Variants in FXR1 observed in about 807,000 individuals in gnomAD.
FXR1 encodes RNA-binding protein FXR1.
A neutral mutation model predicts 84.0 loss-of-function variants in FXR1; 15 were observed. The ratio of observed to expected loss-of-function variants is 0.18; its 90% confidence interval spans 0.12 to 0.27. The LOEUF is 0.27. FXR1 is among the 10% of genes least tolerant of loss of function. The pLI, the probability that FXR1 is intolerant of heterozygous loss-of-function variation, is 1.00. For missense variants in FXR1, 480 were observed against 774.4 expected (o/e 0.62, Z 4.51); for synonymous variants, 245 against 250.7 (o/e 0.98, Z 0.21).
At chr3:180,930,530 G>C (rs1199613039) in intron 1 of FXR1, among the ~76,000 whole-genome samples, 1 of 152,056 alleles carries the variant, frequency 6.6e-6, no homozygotes, top group African/African-American at 2.4e-5. Flanking sequence ...TAATTTGTGA[G>C]ACTTTTCAAA....
chr3:180,943,733 G>C (rs1805595), intron 3 of FXR1, among the ~76,000 whole-genome samples: 9 of 152,140 alleles, frequency 5.9e-5, no homozygotes, highest in Admixed American at 3.3e-4. Flanking sequence ...AGTTGAGATG[G>C]TTTATTTAGA....
intron 1 of FXR1, among the ~76,000 whole-genome samples, chr3:180,924,779 A>G (rs1718976545): frequency 6.6e-6 from 1 of 152,160 alleles, no homozygotes; most frequent in South Asian, 2.1e-4. Flanking sequence ...GGCGTGAGCC[A>G]CCGTGCCTGG....
intron 13 of FXR1, among the ~76,000 whole-genome samples, chr3:180,965,676 T>A (rs757848033): frequency 1.3e-5 from 2 of 152,214 alleles, no homozygotes; most frequent in Non-Finnish European, 2.9e-5. Flanking sequence ...AATCTCTCTA[T>A]CTCAAGGTCC....
At chr3:180,959,855 A>T (rs1200556671) in intron 10 of FXR1, among the ~76,000 whole-genome samples, 3 of 152,162 alleles carry the variant, frequency 2.0e-5, no homozygotes, top group Admixed American at 1.3e-4. Flanking sequence ...GTTTTAAATG[A>T]ACCATATCTA....
intron 1 of FXR1, 52 bp from the exon 2 acceptor site, chr3:180,933,282 G>A: frequency 9.5e-7 from 1 of 1,055,088 alleles, no homozygotes; most frequent in Non-Finnish European, 1.5e-6. Context: ...ACCTTTTAGA[G>A]TTACGAAGTG....
intron 3 of FXR1, among the ~76,000 whole-genome samples, chr3:180,938,704 A>G (rs975888583): frequency 6.6e-6 from 1 of 151,822 alleles, no homozygotes; most frequent in Non-Finnish European, 1.5e-5. Context: ...ATGCGCCATC[A>G]TACCCGGCTG....
At chr3:180,912,793 G>A in intron 1 of FXR1, 57 bp downstream of exon 1, 2 of 1,613,864 alleles carry the variant, frequency 1.2e-6, no homozygotes, top group Admixed American at 1.7e-5. Context: ...GCGTTTGAGG[G>A]AGGGTTGGTG....
At chr3:180,973,374 A>C (rs1271057254) in intron 15 of FXR1, among the ~76,000 whole-genome samples, 3 of 152,162 alleles carry the variant, frequency 2.0e-5, no homozygotes, top group East Asian at 3.9e-4. Context: ...CAGTTTTTGC[A>C]CCCACCTCAA....
chr3:180,953,878 CATT>C (rs1038220996), intron 9 of FXR1, 38 bp downstream of exon 9: 6 of 1,029,858 alleles, frequency 5.8e-6, no homozygotes, highest in Admixed American at 1.8e-5. Flanking sequence ...AGTTAATAAA[CATT>C]ATTTAGTTAC....
chr3:180,915,303 A>T, intron 1 of FXR1: 1 of 535,834 alleles, frequency 1.9e-6, no homozygotes. Flanking sequence ...ATTTATCAAG[A>T]TTCATAGCCC....
intron 14 of FXR1, 126 bp downstream of exon 14, chr3:180,968,380 G>A (rs1576999481): frequency 1.5e-6 from 1 of 668,924 alleles, no homozygotes; most frequent in Non-Finnish European, 2.7e-6. Flanking sequence ...CTTAGAGAAA[G>A]TAGTGGACCA....
chr3:180,947,545 A>G (rs1559999471), intron 3 of FXR1, among the ~76,000 whole-genome samples: 1 of 152,228 alleles, frequency 6.6e-6, no homozygotes, highest in Non-Finnish European at 1.5e-5. Flanking sequence ...CAATGTTGAC[A>G]GAAACAGGAA....
chr3:180,948,558 A>G (rs992691098), intron 5 of FXR1, 63 bp downstream of exon 5: 3 of 1,267,314 alleles, frequency 2.4e-6, no homozygotes, highest in Admixed American at 3.9e-5. Flanking sequence ...AGTCCTACAA[A>G]ACATTTTCCC....
chr3:180,949,361 C>A lies in FXR1; in HGVS notation c.630+18C>A, dbSNP rs1721988317. On this transcript the variant is annotated intron_variant, in intron 7 of 16. Transcript: ENST00000357559. ...ATTTAGAAGTAAGTGGGTTTACTTA[C>A]AAAAGAGTTTTCTGTGTCCCATTTA... 4 of 1,115,610 alleles carry A rather than the reference C, an allele frequency of 3.6e-6. No individual in the cohort carries two copies. Among genetic ancestry groups the A allele is most frequent in the Non-Finnish European group, 5.5e-6 (4 of 724,410 alleles). 69.1% of individuals were successfully genotyped at this position (1,115,610 alleles called of 1,614,324 possible).
At chr3:180,913,625 A>G (rs1297054505) in intron 1 of FXR1, among the ~76,000 whole-genome samples, 2 of 152,152 alleles carry the variant, frequency 1.3e-5, no homozygotes, top group Non-Finnish European at 2.9e-5. Context: ...GAGTAGAGGA[A>G]TTTGGTGGGG....
rs945909650 is a variant in FXR1, at chr3:180,977,858, GTATA to G, written c.*1571_*1574del. On this transcript the variant is annotated 3_prime_UTR_variant, in exon 17 of 17. Transcript: ENST00000357559. ...TAAAAATGTACAATGTGCCAGTTCA[GTATA>G]TATAACCCTAGCCCTCAAATTATTC... The G allele has an allele frequency of 3.3e-5, 5 of 152,046 alleles. No homozygotes were observed. Among genetic ancestry groups the G allele is most frequent in the African/African-American group, 1.2e-4 (5 of 41,428 alleles). The allele number at this position is 152,046 out of a possible 1,614,324, so 9.4% of individuals were successfully genotyped here. A position where few individuals can be genotyped will look rare whatever the true frequency, so the allele number is the denominator to read the frequency against.
At chr3:180,935,083 C>T (rs1720366023) in intron 2 of FXR1, 55 bp from the exon 3 acceptor site, 9 of 757,374 alleles carry the variant, frequency 1.2e-5, no homozygotes, top group Non-Finnish European at 2.0e-5. Context: ...ATATGCAACA[C>T]CAGGCGTAGA....
chr3:180,942,981 T>C (rs1368964457), intron 3 of FXR1, among the ~76,000 whole-genome samples: 1 of 152,168 alleles, frequency 6.6e-6, no homozygotes, highest in Non-Finnish European at 1.5e-5. Context: ...TTTTTCCTTC[T>C]TCCTAAGATG....
intron 1 of FXR1, among the ~76,000 whole-genome samples, chr3:180,923,765 C>T (rs767372386): frequency 2.6e-5 from 4 of 151,958 alleles, no homozygotes; most frequent in African/African-American, 4.8e-5. Context: ...TTCAGGAGAC[C>T]GGTCTGTTGA....
Sources: allele counts gnomAD v4.1 joint callset (sites outside exome capture counted in the v4.1 genomes callset), GRCh38; gene constraint gnomAD v4.1.1; transcripts MANE v1.5; gene names NCBI Gene and HGNC (gene_info 2026-07-23, HGNC 2026-07-21).